The following THBS3 variants were observed in gnomAD, a reference collection of about 807,000 sequenced individuals.
THBS3 encodes thrombospondin 3, also known as thrombospondin-3.
THBS3 carries 78 observed loss-of-function variants against 118.3 expected under a neutral mutation model. The observed-to-expected ratio is 0.66, with a 90% CI of 0.55 to 0.80. The LOEUF (loss-of-function observed/expected upper bound fraction) is 0.80, where lower values mean the gene tolerates loss of function less well. Among genes scored for constraint, THBS3 ranks in the 30% least tolerant of loss-of-function variants. The pLI is 0.00. For synonymous variants in THBS3, 427 were observed against 475.3 expected (o/e 0.90, Z 1.32); for missense variants, 1,057 against 1,247.4 (o/e 0.85, Z 2.30).
chr1:155,206,194 A>G lies in THBS3; in HGVS notation c.286+6T>C. The G allele has an allele frequency of 6.2e-7, 1 of 1,613,630 alleles. No homozygotes were observed. The highest frequency in any genetic ancestry group is 1.3e-5 in the African/African-American group (1 of 75,048). On this transcript the variant is annotated splice_donor_region_variant and intron_variant, in intron 2 of 22. Transcript: ENST00000368378. The surrounding 1 kb of genome is among the most constrained non-coding windows in gnomAD (Gnocchi z 4.2). Reference sequence around the variant, plus strand: ...CATTGCAAGAAAGGAGATGCCCACCAGTCACCTTTGTTGATCTTGCCTACA... The same window carrying G: ...CATTGCAAGAAAGGAGATGCCCACCGGTCACCTTTGTTGATCTTGCCTACA...
In THBS3 at chr1:155,202,733, A is replaced by G; in HGVS notation, c.957+79T>C. 6.5e-7 allele frequency: 1 copy of G among 1,533,132 alleles called. No individual in the cohort carries two copies. Among genetic ancestry groups the G allele is most frequent in the South Asian group, 1.3e-5 (1 of 78,398 alleles). 95.0% of individuals were successfully genotyped at this position (1,533,132 alleles called of 1,614,324 possible). A position where few individuals can be genotyped will look rare whatever the true frequency, so the allele number is the denominator to read the frequency against. On this transcript the variant is annotated intron_variant, in intron 8 of 22. Coordinates refer to ENST00000368378, the MANE Select transcript of THBS3 (RefSeq NM_007112.5). This position sits in a 1 kb window ranked among gnomAD's most constrained non-coding sequence, Gnocchi z 5.5. ...CCAGATTCCTCTCCTCCGGACCAGC[A>G]TTTATCCCACCCTCTTGGGTGCCTC... is the stretch of plus-strand genomic sequence containing the variant.
chr1:155,199,267 G>A (rs1247175772), intron 16 of THBS3, among the ~76,000 whole-genome samples: 4 of 151,812 alleles, frequency 2.6e-5, no homozygotes, highest in African/African-American at 4.8e-5. Flanking sequence ...AAAATTAGCC[G>A]GGCGTGGTGG....
Position 155,200,084 on chromosome 1 carries a change from T to C in THBS3, c.1738A>G (p.Lys580Glu), listed in dbSNP as rs767725168. 7 of 1,589,236 alleles carry C rather than the reference T, an allele frequency of 4.4e-6. No individual in the cohort carries two copies. The highest frequency in any genetic ancestry group is 4.5e-5 in the East Asian group (2 of 44,646). The change falls in exon 15 of 23, where the codon AAA (lysine) becomes GAA (glutamate). Residue 580 changes from lysine to glutamate, a missense_variant. Coordinates refer to ENST00000368378, the MANE Select transcript of THBS3 (RefSeq NM_007112.5). ...GIPNGLDNCP[K>E]VPNPLQTDRD... ...TCTGTCTGTAGTGGGTTGGGGACTT[T>C]AGGGCAATTGTCCAATCCATTGGGG... is the stretch of plus-strand genomic sequence containing the variant.
chr1:155,203,463 C>A (rs1454080848), intron 5 of THBS3, 50 bp downstream of exon 5: 1 of 1,610,442 alleles, frequency 6.2e-7, no homozygotes, highest in Non-Finnish European at 8.5e-7. Context: ...CTGCCAGAGC[C>A]TGGGGCCTCC....
Position 155,202,165 on chromosome 1 carries a change from A to C in THBS3, c.1098+96T>G. On this transcript the variant is annotated intron_variant, in intron 9 of 22. Coordinates refer to ENST00000368378, the MANE Select transcript of THBS3 (RefSeq NM_007112.5). This position sits in a 1 kb window ranked among gnomAD's most constrained non-coding sequence, Gnocchi z 5.5. ...ACCCAAAGCCGATGCAAAGCCATCC[A>C]TGTCCCATTCATCACAAGGGTCCCA... The C allele has an allele frequency of 3.1e-6, 5 of 1,596,350 alleles. No homozygotes were observed. Among genetic ancestry groups the C allele is most frequent in the Non-Finnish European group, 4.3e-6 (5 of 1,169,820 alleles).
Position 155,197,384 on chromosome 1 carries a change from G to C in THBS3, c.2499+79C>G. ...TCTGGGTAAGAGGGTTCCCAGTCAA[G>C]CAGTGGGGGAGGCCCTGGGGCTGCA... On this transcript the variant is annotated intron_variant, in intron 20 of 22. Transcript: ENST00000368378. The surrounding 1 kb of genome is among the most constrained non-coding windows in gnomAD (Gnocchi z 5.0). 6.4e-7 allele frequency: 1 copy of C among 1,554,536 alleles called. No individual in the cohort carries two copies. The highest frequency in any genetic ancestry group is 8.7e-7 in the Non-Finnish European group (1 of 1,143,524).
chr1:155,206,492 C>T lies in THBS3; in HGVS notation c.80-86G>A. On this transcript the variant is annotated intron_variant, in intron 1 of 22. Coordinates refer to ENST00000368378, the MANE Select transcript of THBS3 (RefSeq NM_007112.5). This position sits in a 1 kb window ranked among gnomAD's most constrained non-coding sequence, Gnocchi z 4.2. ...CCCGAGCCCACATCACCCCCTACCC[C>T]CACCACCAGGCAGCGTTAGTCACCT... is the stretch of plus-strand genomic sequence containing the variant. The T allele has an allele frequency of 8.3e-7, 1 of 1,200,624 alleles. No individual in the cohort carries two copies. Among genetic ancestry groups the T allele is most frequent in the Non-Finnish European group, 1.2e-6 (1 of 842,310 alleles). The allele number at this position is 1,200,624 out of a possible 1,614,324, so 74.4% of individuals were successfully genotyped here.
intron 17 of THBS3, 42 bp from the exon 18 acceptor site, chr1:155,198,262 C>A: frequency 6.2e-7 from 1 of 1,608,428 alleles, no homozygotes; most frequent in Non-Finnish European, 8.5e-7. Context: ...GCCCTGGCCA[C>A]TGCCATTAGG....
At chr1:155,200,276 C>A in intron 14 of THBS3, 163 bp from the exon 15 acceptor site, 1 of 989,392 alleles carries the variant, frequency 1.0e-6, no homozygotes. Context: ...CCTAACACTA[C>A]GCCCTACCTC....
In THBS3 at chr1:155,197,798, C is replaced by T. The variant is rs931568205; in HGVS notation, c.2302+82G>A. 3.7e-6 allele frequency: 6 copies of T among 1,604,530 alleles called. No individual in the cohort carries two copies. The highest frequency in any genetic ancestry group is 1.7e-5 in the Admixed American group (1 of 59,944). ...TCTCTCTCGCCACTTTGCCCATTCTCCCTGTCTGTTTCCTCCCCTACCCTC... is the reference window on the plus strand; with the variant it reads ...TCTCTCTCGCCACTTTGCCCATTCTTCCTGTCTGTTTCCTCCCCTACCCTC... On this transcript the variant is annotated intron_variant, in intron 19 of 22. Transcript: ENST00000368378. The surrounding 1 kb of genome is among the most constrained non-coding windows in gnomAD (Gnocchi z 5.0).
chr1:155,205,366 C>T, intron 2 of THBS3, 50 bp from the exon 3 acceptor site: 1 of 1,589,012 alleles, frequency 6.3e-7, no homozygotes, highest in Non-Finnish European at 8.6e-7. Context: ...CCCCCTGCCT[C>T]CCAGCTGAGC....
Position 155,197,163 on chromosome 1 carries a change from C to T in THBS3, c.2550G>A (p.Trp850Ter). Residue 850 changes from tryptophan to a stop codon, truncating the protein, a stop_gained, in exon 21 of 23, where the codon TGG (tryptophan) becomes TGA (stop). Transcript: ENST00000368378. LOFTEE classifies it high-confidence loss of function. The surrounding 1 kb of genome is among the most constrained non-coding windows in gnomAD (Gnocchi z 5.0). Reference sequence around the variant, plus strand: ...CCTGATCAGGGGTGTGGCCAGTATGCCACAGGGCATTTCGGAGGTGCTCAC... The same window carrying T: ...CCTGATCAGGGGTGTGGCCAGTATGTCACAGGGCATTTCGGAGGTGCTCAC... ...GPGEHLRNAL[W>*]HTGHTPDQVR... is the part of the protein sequence containing the mutation. The T allele has an allele frequency of 6.2e-7, 1 of 1,614,162 alleles. No homozygotes were observed. Among genetic ancestry groups the T allele is most frequent in the Non-Finnish European group, 8.5e-7 (1 of 1,180,022 alleles).
upstream of THBS3, chr1:155,208,901 C>T (rs758403843): frequency 1.1e-5 from 18 of 1,611,678 alleles, no homozygotes; most frequent in East Asian, 2.2e-5. Context: ...CAAGAGCCCC[C>T]AGACCTGGCC....
intron 4 of THBS3, 122 bp from the exon 5 acceptor site, chr1:155,203,661 G>T (rs1251528206): frequency 1.6e-6 from 2 of 1,271,462 alleles, no homozygotes; most frequent in East Asian, 4.8e-5. Context: ...TAAAGATGGG[G>T]TGCTGGATGC....
Position 155,202,393 on chromosome 1 carries a change from G to A in THBS3, c.966C>T (p.His322=), listed in dbSNP as rs373996963. 46 of 1,613,804 alleles carry A rather than the reference G, an allele frequency of 2.9e-5. No individual in the cohort carries two copies. The highest frequency in any genetic ancestry group is 3.3e-4 in the Middle Eastern group (2 of 6,084). ...TGGAGCCCGGGAAACAGGGGTCAGC[G>A]TGAGCACACTGGGGACCAGATGAGA... ...THCSDINECA[H]ADPCFPGSSC... The change falls in exon 9 of 23, where the codon CAC becomes CAT. Residue 322 remains histidine, a synonymous_variant. Coordinates refer to ENST00000368378, the MANE Select transcript of THBS3 (RefSeq NM_007112.5). This position sits in a 1 kb window ranked among gnomAD's most constrained non-coding sequence, Gnocchi z 5.5.
chr1:155,197,390 G>C lies in THBS3; in HGVS notation c.2499+73C>G. On this transcript the variant is annotated intron_variant, in intron 20 of 22. Coordinates refer to ENST00000368378, the MANE Select transcript of THBS3 (RefSeq NM_007112.5). The surrounding 1 kb of genome is among the most constrained non-coding windows in gnomAD (Gnocchi z 5.0). ...TAAGAGGGTTCCCAGTCAAGCAGTG[G>C]GGGAGGCCCTGGGGCTGCAGAGGAG... is the stretch of plus-strand genomic sequence containing the variant. The C allele has an allele frequency of 6.4e-7, 1 of 1,563,346 alleles. No individual in the cohort carries two copies. The highest frequency in any genetic ancestry group is 1.4e-5 in the African/African-American group (1 of 74,016).
upstream of THBS3, chr1:155,208,794 C>A: frequency 6.6e-7 from 1 of 1,525,394 alleles, no homozygotes. Context: ...ACATAACGCG[C>A]TGTGGAAAAC....
chr1:155,207,743 GA>G, intron 1 of THBS3, 54 bp downstream of exon 1: 1 of 1,583,384 alleles, frequency 6.3e-7, no homozygotes, highest in Non-Finnish European at 8.7e-7. Context: ...TACTTGGGCT[GA>G]GGGCAAATGG....
At chr1:155,201,793 C>A in intron 10 of THBS3, 164 bp downstream of exon 10, 2 of 1,121,938 alleles carry the variant, frequency 1.8e-6, no homozygotes, top group Non-Finnish European at 2.6e-6. Context: ...AAAGAGCTAG[C>A]AAGAGGCAAA....
Sources: allele counts gnomAD v4.1 joint callset (sites outside exome capture counted in the v4.1 genomes callset), GRCh38; gene constraint gnomAD v4.1.1; non-coding constraint Gnocchi (gnomAD v3.1); transcripts MANE v1.5; gene names NCBI Gene and HGNC (gene_info 2026-07-23, HGNC 2026-07-21).